The following LURAP1 variants were observed in gnomAD, a reference collection of about 807,000 sequenced individuals.
LURAP1 encodes leucine rich adaptor protein 1.
A neutral mutation model predicts 19.0 loss-of-function variants in LURAP1; 14 were observed. That is an observed-to-expected ratio of 0.74 (90% CI 0.49 to 1.15). The LOEUF (loss-of-function observed/expected upper bound fraction) is 1.15. LURAP1 is among the 50% of genes most tolerant of loss of function. The pLI, the probability that LURAP1 is intolerant of heterozygous loss-of-function variation, is 0.00. For synonymous variants in LURAP1, 129 were observed against 131.8 expected (o/e 0.98, Z 0.14); for missense variants, 273 against 309.1 (o/e 0.88, Z 0.87).
chr1:46,206,500 G>A (rs1307979267), intron 1 of LURAP1, among the ~76,000 whole-genome samples: 1 of 152,082 alleles, frequency 6.6e-6, no homozygotes, highest in East Asian at 1.9e-4. Flanking sequence ...GAATCTCCTT[G>A]GAAGGAGAAT....
intron 1 of LURAP1, among the ~76,000 whole-genome samples, chr1:46,205,405 G>A (rs1043609640): frequency 6.6e-6 from 1 of 152,202 alleles, no homozygotes; most frequent in African/African-American, 2.4e-5. Context: ...CAGATCATCT[G>A]ACTGCACTTT....
chr1:46,219,371 A>G (rs973503205), intron 1 of LURAP1, among the ~76,000 whole-genome samples: 2 of 152,192 alleles, frequency 1.3e-5, no homozygotes, highest in Admixed American at 6.5e-5. Flanking sequence ...CTTAACATTT[A>G]CTGAGACCTT....
At chr1:46,204,276 T>A (rs1658644385) in intron 1 of LURAP1, among the ~76,000 whole-genome samples, 1 of 152,184 alleles carries the variant, frequency 6.6e-6, no homozygotes, top group Non-Finnish European at 1.5e-5. Flanking sequence ...CCAGGTAAAC[T>A]GGATATTTGG....
In LURAP1 at chr1:46,203,345, GCTT is replaced by G; in HGVS notation, c.-81_-79del. The stretch of plus-strand genomic sequence containing the variant: ...GGCGGGGACCCACCGGTTTTGCTCC[GCTT>G]TAGCAGCGGCGAAGGGAGGACCCCC... On this transcript the variant is annotated 5_prime_UTR_variant, in exon 1 of 2. Coordinates refer to ENST00000371980, the MANE Select transcript of LURAP1 (RefSeq NM_001013615.3). 1 of 1,333,906 alleles carries G rather than the reference GCTT, an allele frequency of 7.5e-7. No individual in the cohort carries two copies. Among genetic ancestry groups the G allele is most frequent in the Non-Finnish European group, 9.9e-7 (1 of 1,009,108 alleles). The allele number at this position is 1,333,906 out of a possible 1,614,324, so 82.6% of individuals were successfully genotyped here. A position where few individuals can be genotyped will look rare whatever the true frequency, so the allele number is the denominator to read the frequency against.
rs62620991 is a variant in LURAP1, at chr1:46,203,604, A to G, written c.178A>G (p.Met60Val). Residue 60 changes from methionine to valine, a missense_variant, in exon 1 of 2, where the codon ATG becomes GTG. By Grantham distance (21) the Met-to-Val change is conservative (BLOSUM62 1). Transcript: ENST00000371980. ...CGGCCACGACTTGGGGGACAAGATC[A>G]TGGCGCTGAAGATGGAGCTGGTGAG... ...STGHDLGDKIMALKMELAYLR... is the reference protein window; with the variant it reads ...STGHDLGDKIVALKMELAYLR... 6.3e-7 allele frequency: 1 copy of G among 1,598,634 alleles called. No homozygotes were observed. The highest frequency in any genetic ancestry group is 2.3e-5 in the East Asian group (1 of 43,350).
In LURAP1 at chr1:46,219,426, C is replaced by T. The variant is rs183707691; in HGVS notation, c.199-273C>T. On this transcript the variant is annotated intron_variant, in intron 1 of 1. Coordinates refer to ENST00000371980, the MANE Select transcript of LURAP1 (RefSeq NM_001013615.3). ...GCTGAGTACTTAATAGACAGCATTT[C>T]AGAATCCTCACAGCTACCCTGTGAG... is the stretch of plus-strand genomic sequence containing the variant. 2.6e-5 allele frequency among the ~76,000 whole-genome samples: 4 copies of T among 152,264 alleles called. No individual in the cohort carries two copies. In the East Asian group the frequency reaches 7.7e-4, roughly 29 times the overall value.
chr1:46,203,648 AG>A (rs1425794520), intron 1 of LURAP1, 24 bp downstream of exon 1: 2 of 1,593,562 alleles, frequency 1.3e-6, no homozygotes, highest in South Asian at 1.1e-5. Context: ...CCATGGGCCA[AG>A]GGGACGAGTC....
intron 1 of LURAP1, among the ~76,000 whole-genome samples, chr1:46,207,970 C>T (rs1658772281): frequency 1.3e-5 from 2 of 151,950 alleles, no homozygotes; most frequent in African/African-American, 2.4e-5. Context: ...CGGGTTCAAG[C>T]GATTCTCCTG....
chr1:46,206,053 G>A (rs1658705707), intron 1 of LURAP1, among the ~76,000 whole-genome samples: 1 of 152,222 alleles, frequency 6.6e-6, no homozygotes. Flanking sequence ...AAGCCAGACT[G>A]GGATATGTGG....
In LURAP1 at chr1:46,219,912, C is replaced by T. The variant is rs138998814; in HGVS notation, c.412C>T (p.Arg138Trp). 3.0e-5 allele frequency: 48 copies of T among 1,613,968 alleles called. No homozygotes were observed. The Admixed American group carries it at 4.7e-4, about 16-fold the overall frequency. The change falls in exon 2 of 2, where the codon CGG (arginine) becomes TGG (tryptophan). Residue 138 changes from arginine (R) to tryptophan (W), a missense_variant. By Grantham distance (101) the Arg-to-Trp change is moderately radical (BLOSUM62 -3). Coordinates refer to ENST00000371980, the MANE Select transcript of LURAP1 (RefSeq NM_001013615.3). ...DSLPDTSTTDRLDSVSIGSFL... is the reference protein window; with the variant it reads ...DSLPDTSTTDWLDSVSIGSFL... ...CCTGCCAGACACCAGCACCACCGAC[C>T]GGCTGGACAGTGTCTCTATTGGCAG...
intron 1 of LURAP1, among the ~76,000 whole-genome samples, chr1:46,214,140 A>G (rs1557685810): frequency 1.3e-5 from 2 of 152,024 alleles, no homozygotes; most frequent in South Asian, 4.2e-4. Context: ...GAGGTCAGGA[A>G]TTTGAGACCA....
chr1:46,212,730 C>G (rs1416066018), intron 1 of LURAP1, among the ~76,000 whole-genome samples: 2 of 152,022 alleles, frequency 1.3e-5, no homozygotes, highest in Non-Finnish European at 2.9e-5. Flanking sequence ...GCAAGAGCCA[C>G]CATGCTTGGC....
chr1:46,207,058 A>G (rs1382203359), intron 1 of LURAP1, among the ~76,000 whole-genome samples: 1 of 149,018 alleles, frequency 6.7e-6, no homozygotes, highest in Non-Finnish European at 1.5e-5. Flanking sequence ...GCTTCTCTCC[A>G]CCTCTTTGTC....
At chr1:46,210,192 C>T (rs1434814995) in intron 1 of LURAP1, among the ~76,000 whole-genome samples, 1 of 152,082 alleles carries the variant, frequency 6.6e-6, no homozygotes, top group Non-Finnish European at 1.5e-5. Flanking sequence ...TGATATTCTT[C>T]CAAAAACACA....
intron 1 of LURAP1, among the ~76,000 whole-genome samples, chr1:46,212,281 A>AT (rs753914761): frequency 2.6e-3 from 374 of 143,504 alleles, no homozygotes; most frequent in Middle Eastern, 3.6e-3. Context: ...AACCATGTAA[A>AT]TTTTTTTTTT....
intron 1 of LURAP1, among the ~76,000 whole-genome samples, chr1:46,213,103 A>C (rs917589197): frequency 5.3e-5 from 8 of 152,086 alleles, no homozygotes; most frequent in African/African-American, 1.9e-4. Flanking sequence ...TCATGTGTGT[A>C]TATATGCACA....
chr1:46,220,611 ATT>A lies in LURAP1; in HGVS notation c.*400_*401del. ...TGCCCAGCTAATTGTTTATTTATTT[ATT>A]TTTTTTTTGTAGAGATAGGGTTTCC... On this transcript the variant is annotated 3_prime_UTR_variant, in exon 2 of 2. Coordinates refer to ENST00000371980, the MANE Select transcript of LURAP1 (RefSeq NM_001013615.3). 2 of 152,070 alleles carry A rather than the reference ATT, an allele frequency of 1.3e-5. No homozygotes were observed. The highest frequency in any genetic ancestry group is 1.4e-5 in the Non-Finnish European group (1 of 69,984). The allele number at this position is 152,070 out of a possible 1,614,324, so 9.4% of individuals were successfully genotyped here.
intron 1 of LURAP1, among the ~76,000 whole-genome samples, chr1:46,205,301 G>A (rs1658676670): frequency 6.6e-6 from 1 of 151,894 alleles, no homozygotes; most frequent in African/African-American, 2.4e-5. Context: ...AAGGGAGGAA[G>A]GGAGGGAGGG....
intron 1 of LURAP1, among the ~76,000 whole-genome samples, chr1:46,209,751 T>C (rs574776502): frequency 2.3e-4 from 35 of 151,900 alleles, no homozygotes; most frequent in Non-Finnish European, 4.4e-4. Context: ...CCTCGGGTAA[T>C]CCACTTGCCT....
Sources: allele counts gnomAD v4.1 joint callset (sites outside exome capture counted in the v4.1 genomes callset), GRCh38; gene constraint gnomAD v4.1.1; transcripts MANE v1.5; gene names NCBI Gene and HGNC (gene_info 2026-07-23, HGNC 2026-07-21).